TNFSF4: variants seen among roughly 807,000 people sequenced by gnomAD.
TNFSF4 encodes the protein tumor necrosis factor ligand superfamily member 4.
A neutral mutation model predicts 7.3 loss-of-function variants in TNFSF4; 4 were observed. The ratio of observed to expected loss-of-function variants is 0.55; its 90% CI spans 0.27 to 1.25. The LOEUF (loss-of-function observed/expected upper bound fraction) is 1.25, where lower values mean the gene tolerates loss of function less well. TNFSF4 is among the 50% of genes most tolerant of loss of function. The probability of loss-of-function intolerance (pLI) is 0.12; values close to 1 mark genes in which losing one functional copy is unlikely to be tolerated. For synonymous variants in TNFSF4, 76 were observed against 83.7 expected (o/e 0.91, Z 0.50); for missense variants, 181 against 208.8 (o/e 0.87, Z 0.82).
At chr1:173,272,513 A>T in the TNFSF4 span, among the ~76,000 whole-genome samples, 12 of 152,214 alleles carry the variant, frequency 7.9e-5, no homozygotes, top group African/African-American at 2.6e-4. Context: ...ATCGTTTCCC[A>T]TCGAAATTCA....
chr1:173,214,549 T>C, the TNFSF4 span, among the ~76,000 whole-genome samples: 2 of 152,198 alleles, frequency 1.3e-5, no homozygotes, highest in Non-Finnish European at 2.9e-5. Context: ...TGGGCTACCA[T>C]ACAATACAAT....
intron 1 of TNFSF4, chr1:173,205,743 T>C: frequency 4.3e-6 from 1 of 233,196 alleles, no homozygotes; most frequent in South Asian, 1.5e-4. Context: ...CATCCTGCCA[T>C]GGACACCTTA....
chr1:173,258,049 A>G, the TNFSF4 span, among the ~76,000 whole-genome samples: 1 of 152,176 alleles, frequency 6.6e-6, no homozygotes, highest in African/African-American at 2.4e-5. Flanking sequence ...AGTCACTCTT[A>G]TATCACTTGG....
the TNFSF4 span, among the ~76,000 whole-genome samples, chr1:173,340,442 A>G: frequency 1 from 151,778 of 151,990 alleles, 75,783 homozygotes; most frequent in East Asian, 1. Context: ...TAGCAGGAGC[A>G]AAATGCAGGA....
At chr1:173,252,507 A>G in the TNFSF4 span, among the ~76,000 whole-genome samples, 2 of 152,092 alleles carry the variant, frequency 1.3e-5, no homozygotes, top group Non-Finnish European at 2.9e-5. Context: ...TATCTGTGCA[A>G]TACTAGATAT....
chr1:173,428,133 C>T, the TNFSF4 span, among the ~76,000 whole-genome samples: 1 of 151,934 alleles, frequency 6.6e-6, no homozygotes. Flanking sequence ...TTAGTAAAGA[C>T]AATGTTTTGC....
At chr1:173,370,781 A>G in the TNFSF4 span, among the ~76,000 whole-genome samples, 3 of 149,306 alleles carry the variant, frequency 2.0e-5, no homozygotes, top group African/African-American at 7.4e-5. Context: ...GTGAGATCAG[A>G]GAAAGGCCCT....
the TNFSF4 span, among the ~76,000 whole-genome samples, chr1:173,252,430 G>T: frequency 6.6e-6 from 1 of 151,964 alleles, no homozygotes; most frequent in Non-Finnish European, 1.5e-5. Context: ...ATAATTATTT[G>T]CTGAAATTAA....
intron 1 of TNFSF4, among the ~76,000 whole-genome samples, chr1:173,190,931 C>T (rs1272318462): frequency 1.3e-5 from 2 of 152,198 alleles, no homozygotes; most frequent in Non-Finnish European, 2.9e-5. Context: ...AGATCAGGGG[C>T]ATTCCTTTCA....
At chr1:173,328,253 G>C in the TNFSF4 span, among the ~76,000 whole-genome samples, 200 of 148,476 alleles carry the variant, frequency 1.3e-3, 1 homozygote, top group Middle Eastern at 0.025. Flanking sequence ...CTATTGCAAA[G>C]ACAAAAAACC....
chr1:173,258,293 T>C, the TNFSF4 span, among the ~76,000 whole-genome samples: 2 of 150,788 alleles, frequency 1.3e-5, no homozygotes, highest in East Asian at 4.0e-4. Flanking sequence ...GGTTCTCTCA[T>C]TGGGACTAAC....
the TNFSF4 span, among the ~76,000 whole-genome samples, chr1:173,303,216 G>A: frequency 7.2e-5 from 11 of 151,914 alleles, no homozygotes; most frequent in African/African-American, 2.7e-4. Context: ...GGGAGGGAGA[G>A]TTGTGTGTCT....
chr1:173,207,432 C>CT (rs553935126), upstream of TNFSF4: 6,360 of 289,648 alleles, frequency 0.022, no homozygotes, highest in Middle Eastern at 0.031. Context: ...TACTTTCTTT[C>CT]TTTTTTTTTT....
chr1:173,404,656 G>A, the TNFSF4 span, among the ~76,000 whole-genome samples: 4 of 149,254 alleles, frequency 2.7e-5, no homozygotes, highest in East Asian at 4.0e-4. Context: ...TTTTTAAGAC[G>A]GAGACTTGCT....
At chr1:173,429,342 C>T in the TNFSF4 span, among the ~76,000 whole-genome samples, 3 of 152,318 alleles carry the variant, frequency 2.0e-5, no homozygotes, top group South Asian at 6.2e-4. Context: ...ATTTGTCACA[C>T]TTAGACATGT....
chr1:173,349,039 AT>A, the TNFSF4 span, among the ~76,000 whole-genome samples: 1 of 151,608 alleles, frequency 6.6e-6, no homozygotes, highest in South Asian at 2.1e-4. Context: ...TATTATTATT[AT>A]TTTTTTTAGA....
intron 1 of TNFSF4, among the ~76,000 whole-genome samples, chr1:173,195,227 GATTAAAT>G (rs1185932689): frequency 2.0e-5 from 3 of 152,158 alleles, no homozygotes; most frequent in Non-Finnish European, 2.9e-5. Context: ...TACTGAATAA[GATTAAAT>G]ATTAATTTTT....
chr1:173,353,425 C>A, the TNFSF4 span, among the ~76,000 whole-genome samples: 3 of 152,118 alleles, frequency 2.0e-5, no homozygotes, highest in African/African-American at 7.2e-5. Flanking sequence ...TCTGACTTCC[C>A]GCAACACATG....
At chr1:173,254,994 A>G in the TNFSF4 span, among the ~76,000 whole-genome samples, 1 of 152,208 alleles carries the variant, frequency 6.6e-6, no homozygotes, top group Non-Finnish European at 1.5e-5. Flanking sequence ...TTTTTTAAAA[A>G]CACTGAGTCC....
Sources: allele counts gnomAD v4.1 joint callset (sites outside exome capture counted in the v4.1 genomes callset), GRCh38; gene constraint gnomAD v4.1.1; transcripts MANE v1.5; gene names NCBI Gene and HGNC (gene_info 2026-07-23, HGNC 2026-07-21).